Variants in GREB1L observed in about 807,000 individuals in gnomAD.
The protein encoded by GREB1L is GREB1-like protein.
A neutral mutation model predicts 200.8 loss-of-function variants in GREB1L; 17 were observed. The ratio of observed to expected loss-of-function variants is 0.08; its 90% confidence interval spans 0.06 to 0.13. The LOEUF is 0.13. Ranked by LOEUF, GREB1L falls within the 10% of genes least tolerant of loss-of-function variation. The pLI is 1.00. For missense variants in GREB1L, 1,657 were observed against 2,367.7 expected, an observed-to-expected ratio of 0.70 and a Z score of 6.23; for synonymous variants, 789 against 893.0, an observed-to-expected ratio of 0.88 and a Z score of 2.08.
intron 15 of GREB1L, among the ~76,000 whole-genome samples, chr18:21,461,146 A>C (rs1238910905): frequency 2.0e-5 from 3 of 151,812 alleles, no homozygotes; most frequent in Non-Finnish European, 4.4e-5. Context: ...CTGCCTGGGA[A>C]TCTAGAAACC....
chr18:21,498,984 T>G (rs1351724529), intron 21 of GREB1L, among the ~76,000 whole-genome samples: 1 of 152,170 alleles, frequency 6.6e-6, no homozygotes, highest in Non-Finnish European at 1.5e-5. Flanking sequence ...GCTGGTCTGT[T>G]AGGAGGACAA....
chr18:21,311,506 T>A (rs1207911114), intron 1 of GREB1L, among the ~76,000 whole-genome samples: 4 of 152,176 alleles, frequency 2.6e-5, no homozygotes, highest in Admixed American at 2.6e-4. Flanking sequence ...AATGAGTCGT[T>A]GAAGATAATC....
chr18:21,381,057 A>G (rs1198900733), intron 2 of GREB1L, among the ~76,000 whole-genome samples: 2 of 152,228 alleles, frequency 1.3e-5, no homozygotes, highest in East Asian at 3.9e-4. Flanking sequence ...CCTGGCTAAC[A>G]CAGTGAAACA....
chr18:21,273,688 A>G (rs1281894565), intron 1 of GREB1L, among the ~76,000 whole-genome samples: 1 of 152,208 alleles, frequency 6.6e-6, no homozygotes, highest in Non-Finnish European at 1.5e-5. Context: ...TGTTGAGATG[A>G]AGAGGAAGAT....
chr18:21,388,939 G>A (rs1598740430), intron 4 of GREB1L, among the ~76,000 whole-genome samples: 2 of 152,008 alleles, frequency 1.3e-5, no homozygotes, highest in African/African-American at 2.4e-5. Context: ...TCTTTCAAGG[G>A]TACATACTAT....
intron 18 of GREB1L, among the ~76,000 whole-genome samples, chr18:21,485,961 A>G (rs1454931713): frequency 1.3e-5 from 2 of 152,154 alleles, no homozygotes; most frequent in Non-Finnish European, 2.9e-5. Flanking sequence ...ATACAACCAA[A>G]GTGGGCCATT....
At chr18:21,320,798 A>G (rs1244563864) in intron 1 of GREB1L, among the ~76,000 whole-genome samples, 3 of 151,926 alleles carry the variant, frequency 2.0e-5, no homozygotes. Context: ...TTTAGCAACA[A>G]AGGCCTTCCT....
intron 2 of GREB1L, among the ~76,000 whole-genome samples, chr18:21,367,429 TTTTCTTTCCTTG>T (rs1313500780): frequency 6.6e-6 from 1 of 152,148 alleles, no homozygotes; most frequent in East Asian, 1.9e-4. Context: ...AATATCACCT[TTTTCTTTCCTTG>T]GAGCAGAAAG....
At chr18:21,402,689 A>C (rs1265200844) in intron 6 of GREB1L, among the ~76,000 whole-genome samples, 1 of 151,626 alleles carries the variant, frequency 6.6e-6, no homozygotes, top group Admixed American at 6.6e-5. Flanking sequence ...TGCCTGGCTA[A>C]TTTTTGTATT....
At position 21,403,930 on chromosome 18, in the gene GREB1L, G is replaced by T. The variant is rs925943596; in HGVS notation, c.768G>T (p.Val256=). The change falls in exon 7 of 33, where the codon GTG becomes GTT. Residue 256 remains valine (V), a synonymous_variant. Transcript: ENST00000424526. ...SCHSIKPSSS[V]SSTVTPENGT... is the part of the protein sequence containing the mutation. ...ACTCTATTAAGCCAAGCTCTTCAGT[G>T]TCGTCAACTGTGACCCCAGAAAATG... 3.9e-6 allele frequency: 6 copies of T among 1,550,826 alleles called. No individual in the cohort carries two copies. Among genetic ancestry groups the T allele is most frequent in the Non-Finnish European group, 5.2e-6 (6 of 1,145,912 alleles).
intron 5 of GREB1L, 107 bp downstream of exon 5, chr18:21,395,668 G>A: frequency 1.3e-6 from 1 of 780,560 alleles, no homozygotes; most frequent in Non-Finnish European, 2.0e-6. Context: ...GGATTATTTG[G>A]GGATTATATA....
At chr18:21,479,989 T>G (rs1364882357) in intron 17 of GREB1L, among the ~76,000 whole-genome samples, 2 of 152,160 alleles carry the variant, frequency 1.3e-5, no homozygotes, top group Non-Finnish European at 2.9e-5. Context: ...AGTCCTCCCA[T>G]CTTGACCTCC....
intron 16 of GREB1L, among the ~76,000 whole-genome samples, chr18:21,475,192 C>T (rs1394324721): frequency 6.6e-6 from 1 of 152,168 alleles, no homozygotes; most frequent in East Asian, 1.9e-4. Context: ...TCTGCCTCCA[C>T]CCCACTTTTC....
At chr18:21,290,447 T>A (rs2038428567) in intron 1 of GREB1L, among the ~76,000 whole-genome samples, 1 of 152,222 alleles carries the variant, frequency 6.6e-6, no homozygotes, top group South Asian at 2.1e-4. Context: ...GTTTATATAA[T>A]CCTTAACTAC....
At chr18:21,402,279 C>T (rs2041346957) in intron 6 of GREB1L, among the ~76,000 whole-genome samples, 1 of 151,536 alleles carries the variant, frequency 6.6e-6, no homozygotes, top group African/African-American at 2.4e-5. Context: ...TAGGTATCAC[C>T]TCCCTCCCTT....
At chr18:21,297,050 T>C (rs1350566440) in intron 1 of GREB1L, among the ~76,000 whole-genome samples, 1 of 152,120 alleles carries the variant, frequency 6.6e-6, no homozygotes, top group Non-Finnish European at 1.5e-5. Flanking sequence ...TAGAGTCTCT[T>C]TACGTAGAAT....
intron 7 of GREB1L, among the ~76,000 whole-genome samples, chr18:21,422,361 T>G (rs1230661716): frequency 2.6e-5 from 4 of 152,224 alleles, no homozygotes; most frequent in Admixed American, 6.5e-5. Context: ...TATACATACA[T>G]ATATAATATA....
At position 21,248,760 on chromosome 18, in the gene GREB1L, A is replaced by T. The variant is rs139082975; in HGVS notation, c.-120+6367A>T. Among the ~76,000 whole-genome samples, 377 of 152,294 alleles carry T rather than the reference A, an allele frequency of 2.5e-3. 1 individual carries two copies. The highest frequency in any genetic ancestry group is 4.4e-3 in the Non-Finnish European group (302 of 68,016). The stretch of plus-strand genomic sequence containing the variant: ...AGCCACATGTGGCTATTTAAATGTA[A>T]ATTAGTTAACATTATATACAACCAA... On this transcript the variant is annotated intron_variant, in intron 1 of 32. Coordinates refer to ENST00000424526, the MANE Select transcript of GREB1L (RefSeq NM_001142966.3).
intron 1 of GREB1L, among the ~76,000 whole-genome samples, chr18:21,357,472 G>A (rs2039522259): frequency 6.6e-6 from 1 of 152,198 alleles, no homozygotes; most frequent in Admixed American, 6.5e-5. Flanking sequence ...CTGTGCAGAA[G>A]CTGTTTAATT....
Sources: gnomAD v4.1 joint callset for allele counts (sites outside exome capture counted in the v4.1 genomes callset) on GRCh38, gnomAD v4.1.1 for gene constraint, MANE v1.5 for transcripts, NCBI Gene and HGNC (gene_info 2026-07-23, HGNC 2026-07-21) for gene names.